Variants in CLSTN2 observed in about 807,000 individuals in gnomAD.
CLSTN2 encodes calsyntenin 2, also known as calsyntenin-2.
Under a neutral mutation model 101.2 loss-of-function variants are expected in CLSTN2, and 48 were observed. The observed-to-expected ratio is 0.47, with a 90% CI of 0.38 to 0.60. CLSTN2 has a LOEUF of 0.60. Among genes scored for constraint, CLSTN2 ranks in the 20% least tolerant of loss-of-function variants. The pLI is 0.00. For synonymous variants in CLSTN2, 481 were observed against 463.6 expected, an observed-to-expected ratio of 1.04 and a Z score of -0.48; for missense variants, 1,160 against 1,238.2, an observed-to-expected ratio of 0.94 and a Z score of 0.95.
At chr3:140,260,916 C>T (rs1244908524) in intron 2 of CLSTN2, among the ~76,000 whole-genome samples, 7 of 152,064 alleles carry the variant, frequency 4.6e-5, no homozygotes, top group South Asian at 2.1e-4. Context: ...TAGTTTTTCT[C>T]ATGGTAAAAA....
chr3:140,175,735 C>T (rs1336982963), intron 1 of CLSTN2, among the ~76,000 whole-genome samples: 1 of 152,198 alleles, frequency 6.6e-6, no homozygotes, highest in African/African-American at 2.4e-5. Context: ...AATGCTGTCT[C>T]TCACCTTCTG....
chr3:140,437,051 T>TA lies in CLSTN2; in HGVS notation c.788-11468_788-11467insA, dbSNP rs1281592869. Among the ~76,000 whole-genome samples the TA allele has an allele frequency of 2.8e-4, 6 of 21,386 alleles. No individual in the cohort carries two copies. In the South Asian group the frequency reaches 8.4e-3, roughly 30 times the overall value. The allele number at this position is 21,386 out of a possible 152,430, so 14.0% of individuals were successfully genotyped here. On this transcript the variant is annotated intron_variant, in intron 5 of 16. Coordinates refer to ENST00000458420, the MANE Select transcript of CLSTN2 (RefSeq NM_022131.3). ...ACCTTCTACCTGCTGGGAGGTTTGG[T>TA]TTTTTTTTTTTTTTTGAGACTGAGT...
intron 1 of CLSTN2, among the ~76,000 whole-genome samples, chr3:140,146,896 A>G (rs370126243): frequency 6.6e-6 from 1 of 152,214 alleles, no homozygotes; most frequent in Admixed American, 6.5e-5. Flanking sequence ...TCATCCATGC[A>G]TTTATTCTTC....
chr3:140,354,105 C>T lies in CLSTN2; in HGVS notation c.233-49524C>T, dbSNP rs143813393. ...ATCTAGAGAATAACTAGGCTCAGAA[C>T]CTTGAATTTCAGAAGGAAAGGGATG... On this transcript the variant is annotated intron_variant, in intron 2 of 16. Coordinates refer to ENST00000458420, the MANE Select transcript of CLSTN2 (RefSeq NM_022131.3). Among the ~76,000 whole-genome samples the T allele has an allele frequency of 1.6e-4, 25 of 152,226 alleles. No homozygotes were observed. The East Asian group carries it at 4.4e-3, about 27-fold the overall frequency.
chr3:139,958,764 C>A (rs903141705), intron 1 of CLSTN2, among the ~76,000 whole-genome samples: 1 of 151,348 alleles, frequency 6.6e-6, no homozygotes, highest in Non-Finnish European at 1.5e-5. Context: ...ACCATCTGAT[C>A]CTGTCTCTGC....
At chr3:140,204,745 G>A (rs1259228889) in intron 2 of CLSTN2, among the ~76,000 whole-genome samples, 3 of 152,168 alleles carry the variant, frequency 2.0e-5, no homozygotes, top group African/African-American at 7.2e-5. Context: ...CATCTGAAGG[G>A]CAACGTGAGC....
intron 8 of CLSTN2, among the ~76,000 whole-genome samples, chr3:140,522,446 GCTCT>G (rs1171345332): frequency 2.0e-5 from 3 of 152,210 alleles, no homozygotes; most frequent in Non-Finnish European, 4.4e-5. Flanking sequence ...CTGGTAAACA[GCTCT>G]CTGTTTCATG....
At chr3:140,250,576 C>T (rs1327411268) in intron 2 of CLSTN2, among the ~76,000 whole-genome samples, 1 of 152,182 alleles carries the variant, frequency 6.6e-6, no homozygotes, top group African/African-American at 2.4e-5. Flanking sequence ...TTTGGGGCTT[C>T]CCTGGAGTGG....
At chr3:139,956,618 T>G (rs1935406266) in intron 1 of CLSTN2, among the ~76,000 whole-genome samples, 1 of 152,136 alleles carries the variant, frequency 6.6e-6, no homozygotes, top group Non-Finnish European at 1.5e-5. Context: ...TGTTTTCAGG[T>G]GAAAAGCAAT....
chr3:140,346,977 A>G (rs760128543), intron 2 of CLSTN2, among the ~76,000 whole-genome samples: 17 of 152,362 alleles, frequency 1.1e-4, no homozygotes, highest in Admixed American at 2.0e-4. Context: ...ATGACTAGAT[A>G]GTAAATACTG....
chr3:140,159,314 T>TA (rs1486136649), intron 1 of CLSTN2, among the ~76,000 whole-genome samples: 1 of 151,896 alleles, frequency 6.6e-6, no homozygotes. Context: ...ATAAGGAACT[T>TA]AATAATTTAA....
intron 1 of CLSTN2, among the ~76,000 whole-genome samples, chr3:140,115,572 G>C (rs574597199): frequency 8.9e-4 from 136 of 152,286 alleles, no homozygotes; most frequent in Non-Finnish European, 1.4e-3. Context: ...CCCTGCTTCT[G>C]ATTAGATTTT....
At chr3:140,222,267 A>G (rs1403325832) in intron 2 of CLSTN2, among the ~76,000 whole-genome samples, 1 of 152,204 alleles carries the variant, frequency 6.6e-6, no homozygotes. Flanking sequence ...GCTAAAAATT[A>G]AAAGAACTCA....
chr3:140,052,656 G>A (rs1363753543), intron 1 of CLSTN2, among the ~76,000 whole-genome samples: 1 of 152,150 alleles, frequency 6.6e-6, no homozygotes, highest in Non-Finnish European at 1.5e-5. Flanking sequence ...AATGCCCCCT[G>A]AGGTAAGAGT....
chr3:140,072,255 G>T (rs1057432729), intron 1 of CLSTN2, among the ~76,000 whole-genome samples: 1 of 152,028 alleles, frequency 6.6e-6, no homozygotes, highest in Non-Finnish European at 1.5e-5. Context: ...TGTCAATGTT[G>T]CTGAAACCTG....
chr3:140,230,684 A>G (rs1253512864), intron 2 of CLSTN2, among the ~76,000 whole-genome samples: 2 of 152,216 alleles, frequency 1.3e-5, no homozygotes, highest in Non-Finnish European at 2.9e-5. Flanking sequence ...TAGGCTTCCC[A>G]GACTCTGAAA....
chr3:139,993,855 A>AAAGAACT (rs1560064382), intron 1 of CLSTN2, among the ~76,000 whole-genome samples: 4 of 152,028 alleles, frequency 2.6e-5, no homozygotes, highest in East Asian at 1.9e-4. Context: ...AAGAAAGTAT[A>AAAGAACT]TGACAAGTGA....
chr3:140,095,421 A>G (rs2008853736), intron 1 of CLSTN2, among the ~76,000 whole-genome samples: 2 of 152,226 alleles, frequency 1.3e-5, no homozygotes, highest in African/African-American at 4.8e-5. Flanking sequence ...AAAATTAAAA[A>G]TTACTTAGCT....
At position 139,967,716 on chromosome 3, in the gene CLSTN2, G is replaced by A. The variant is rs558842838; in HGVS notation, c.109+32233G>A. ...CAATTTATTCTTTTCTTGAAAATGA[G>A]AGCTCCCAGCTTCCCAGGAGTAAAA... On this transcript the variant is annotated intron_variant, in intron 1 of 16. Coordinates refer to ENST00000458420, the MANE Select transcript of CLSTN2 (RefSeq NM_022131.3). 6.6e-5 allele frequency among the ~76,000 whole-genome samples: 10 copies of A among 152,294 alleles called. No homozygotes were observed. The East Asian group carries it at 1.7e-3, about 26-fold the overall frequency.
Sources: gnomAD v4.1 joint callset for allele counts (sites outside exome capture counted in the v4.1 genomes callset) on GRCh38, gnomAD v4.1.1 for gene constraint, MANE v1.5 for transcripts, NCBI Gene and HGNC (gene_info 2026-07-23, HGNC 2026-07-21) for gene names.